The following FBXO2 variants were observed in gnomAD, a reference collection of about 807,000 sequenced individuals.
FBXO2 encodes F-box only protein 2.
FBXO2 carries 32 observed loss-of-function variants against 38.6 expected under a neutral mutation model. The ratio of observed to expected loss-of-function variants is 0.83; its 90% confidence interval spans 0.62 to 1.11. FBXO2 has a LOEUF of 1.11. Among genes scored for constraint, FBXO2 ranks in the 50% most tolerant of loss-of-function variants. FBXO2 has a pLI of 0.00. For synonymous variants in FBXO2, 189 were observed against 182.9 expected (o/e 1.03, Z -0.27); for missense variants, 450 against 418.3 (o/e 1.08, Z -0.66).
rs1358548364 is a variant in FBXO2, at chr1:11,650,791, T to TGGCTGCTCCTCCGGGATTGCCTCCTCG, written c.65_66insCGAGGAGGCAATCCCGGAGGAGCAGCC (p.Ala25_Ser26insIleProGluGluGlnProGluGluAla). 1 of 1,537,592 alleles carries TGGCTGCTCCTCCGGGATTGCCTCCTCG rather than the reference T, an allele frequency of 6.5e-7. No individual in the cohort carries two copies. Among genetic ancestry groups the TGGCTGCTCCTCCGGGATTGCCTCCTCG allele is most frequent in the Non-Finnish European group, 8.7e-7 (1 of 1,147,444 alleles). On this transcript the variant is annotated inframe_insertion, in exon 2 of 6. Transcript: ENST00000354287. ...GCTCCTCCTCAGCACTCGCCTCCTC[T>TGGCTGCTCCTCCGGGATTGCCTCCTCG]GGCTGCTCCTCCGGGCTTGCCTCCT...
At chr1:11,651,530 T>C (rs1361009527) in intron 1 of FBXO2, among the ~76,000 whole-genome samples, 1 of 152,164 alleles carries the variant, frequency 6.6e-6, no homozygotes, top group African/African-American at 2.4e-5. Context: ...GCTGTTCTTA[T>C]TGCATTGATG....
rs771564445 is a variant in FBXO2, at chr1:11,649,074, C to T, written c.756+13G>A. 3 of 1,585,766 alleles carry T rather than the reference C, an allele frequency of 1.9e-6. No homozygotes were observed. Among genetic ancestry groups the T allele is most frequent in the Non-Finnish European group, 2.6e-6 (3 of 1,166,302 alleles). On this transcript the variant is annotated intron_variant, in intron 5 of 5. Coordinates refer to ENST00000354287, the MANE Select transcript of FBXO2 (RefSeq NM_012168.6). Reference sequence around the variant, plus strand: ...CGTGCCCCACCCCTCCGCCCTGGGTCCCCCAGGCTCACCTCCATCCAGCCC... The same window carrying T: ...CGTGCCCCACCCCTCCGCCCTGGGTTCCCCAGGCTCACCTCCATCCAGCCC...
Position 11,649,096 on chromosome 1 carries a change from G to GA in FBXO2, c.746_747insT (p.Trp250LeufsTer68), listed in dbSNP as rs1639470285. On this transcript the variant is annotated frameshift_variant, in exon 5 of 6. Transcript: ENST00000354287. LOFTEE classifies it high-confidence loss of function. ...GGTCCCCCAGGCTCACCTCCATCCA[G>GA]CCCCCGCCGTCACTGTCTTGGGGCA... 6.3e-7 allele frequency: 1 copy of GA among 1,593,600 alleles called. No individual in the cohort carries two copies. The highest frequency in any genetic ancestry group is 1.1e-5 in the South Asian group (1 of 87,964).
At chr1:11,650,407 GC>G in intron 2 of FBXO2, 58 bp downstream of exon 2, 1 of 1,560,370 alleles carries the variant, frequency 6.4e-7, no homozygotes, top group Non-Finnish European at 8.7e-7. Flanking sequence ...GCCAGGCGGC[GC>G]CGTTTCGGCC....
chr1:11,649,390 G>A (rs1251820888), intron 4 of FBXO2, 165 bp from the exon 5 acceptor site: 8 of 645,830 alleles, frequency 1.2e-5, no homozygotes, highest in East Asian at 2.8e-5. Flanking sequence ...ACAGATAAGG[G>A]AAACGAGGCC....
chr1:11,654,099 G>C (rs995307825), intron 1 of FBXO2: 5 of 461,736 alleles, frequency 1.1e-5, no homozygotes, highest in Non-Finnish European at 1.9e-5. Context: ...TGGGACCCAG[G>C]AGTTCTCTCT....
chr1:11,650,726 GCGGCGGC>G lies in FBXO2; in HGVS notation c.124_130del (p.Ala42ProfsTer73). Reference sequence around the variant, plus strand: ...CTCGGGCAGCTCGTCCAGGTACGCGGCGGCGGCCGCCGCCTCCTCCTCCTGCTGGTCC... The same window carrying G: ...CTCGGGCAGCTCGTCCAGGTACGCGGCGCCGCCTCCTCCTCCTGCTGGTCC... On this transcript the variant is annotated frameshift_variant, in exon 2 of 6. Coordinates refer to ENST00000354287, the MANE Select transcript of FBXO2 (RefSeq NM_012168.6). LOFTEE classifies it high-confidence loss of function. 2 of 1,520,158 alleles carry G rather than the reference GCGGCGGC, an allele frequency of 1.3e-6. No homozygotes were observed. Among genetic ancestry groups the G allele is most frequent in the Non-Finnish European group, 1.7e-6 (2 of 1,144,548 alleles). The allele number at this position is 1,520,158 out of a possible 1,614,324, so 94.2% of individuals were successfully genotyped here. A position where few individuals can be genotyped will look rare whatever the true frequency, so the allele number is the denominator to read the frequency against.
At chr1:11,654,121 G>T (rs894982727) in intron 1 of FBXO2, 198 bp downstream of exon 1, 5 of 508,398 alleles carry the variant, frequency 9.8e-6, no homozygotes, top group Non-Finnish European at 1.7e-5. Context: ...CTTGCCAGTC[G>T]CCTCTCAAGG....
intron 2 of FBXO2, among the ~76,000 whole-genome samples, 165 bp from the exon 3 acceptor site, chr1:11,650,239 A>G (rs1024385692): frequency 6.6e-6 from 1 of 152,002 alleles, no homozygotes; most frequent in Non-Finnish European, 1.5e-5. Context: ...GCCTCCCGGG[A>G]GGTATGTCCC....
At chr1:11,653,059 C>T (rs1278908091) in intron 1 of FBXO2, among the ~76,000 whole-genome samples, 2 of 152,208 alleles carry the variant, frequency 1.3e-5, no homozygotes, top group Non-Finnish European at 2.9e-5. Context: ...CAGACCACAT[C>T]GCAGAACGGC....
chr1:11,649,192 G>C lies in FBXO2; in HGVS notation c.651C>G (p.Tyr217Ter), dbSNP rs768192437. 4.2e-6 allele frequency: 6 copies of C among 1,438,082 alleles called. No individual in the cohort carries two copies. Among genetic ancestry groups the C allele is most frequent in the South Asian group, 1.2e-5 (1 of 82,998 alleles). 89.1% of individuals were successfully genotyped at this position (1,438,082 alleles called of 1,614,324 possible). A position where few individuals can be genotyped will look rare whatever the true frequency, so the allele number is the denominator to read the frequency against. Residue 217 changes from tyrosine to a stop codon, truncating the protein, a stop_gained, in exon 5 of 6, where the codon TAC (tyrosine) becomes TAG (stop). Coordinates refer to ENST00000354287, the MANE Select transcript of FBXO2 (RefSeq NM_012168.6). LOFTEE classifies it high-confidence loss of function. ...CGGACAGTAGCTTAACGGTGAGCTC[G>C]TAGAGGCAACCAGCGTCGCTGCGGC... ...YSGRSDAGCLYELTVKLLSEH... is the reference protein window; with the variant it reads ...YSGRSDAGCL
chr1:11,649,181 ACGG>A lies in FBXO2; in HGVS notation c.659_661del (p.Thr220_Val221delinsIle), dbSNP rs1639471842. The A allele has an allele frequency of 1.3e-6, 2 of 1,527,032 alleles. No homozygotes were observed. 94.6% of individuals were successfully genotyped at this position (1,527,032 alleles called of 1,614,324 possible). ...GTTCTCGTGCTCGGACAGTAGCTTA[ACGG>A]TGAGCTCGTAGAGGCAACCAGCGTC... On this transcript the variant is annotated inframe_deletion, in exon 5 of 6. Coordinates refer to ENST00000354287, the MANE Select transcript of FBXO2 (RefSeq NM_012168.6).
chr1:11,650,726 G>A lies in FBXO2; in HGVS notation c.131C>T (p.Ala44Val), dbSNP rs1639505415. Residue 44 changes from alanine (A) to valine (V), a missense_variant, in exon 2 of 6, where the codon GCC (alanine) becomes GTC (valine). Physicochemically the swap from Ala to Val is moderately conservative, Grantham distance 64. Coordinates refer to ENST00000354287, the MANE Select transcript of FBXO2 (RefSeq NM_012168.6). ...DQQEEEAAAAAAYLDELPEPL... is the reference protein window; with the variant it reads ...DQQEEEAAAAVAYLDELPEPL... ...CTCGGGCAGCTCGTCCAGGTACGCG[G>A]CGGCGGCCGCCGCCTCCTCCTCCTG... The A allele has an allele frequency of 6.6e-7, 1 of 1,520,078 alleles. No homozygotes were observed. The highest frequency in any genetic ancestry group is 8.7e-7 in the Non-Finnish European group (1 of 1,144,556). 94.2% of individuals were successfully genotyped at this position (1,520,078 alleles called of 1,614,324 possible).
rs1224069364 is a variant in FBXO2 at position 11,650,735 on chromosome 1, G to A, written c.122C>T (p.Ala41Val). The A allele has an allele frequency of 6.5e-7, 1 of 1,529,226 alleles. No homozygotes were observed. The highest frequency in any genetic ancestry group is 8.7e-7 in the Non-Finnish European group (1 of 1,144,670). The allele number at this position is 1,529,226 out of a possible 1,614,324, so 94.7% of individuals were successfully genotyped here. A position where few individuals can be genotyped will look rare whatever the true frequency, so the allele number is the denominator to read the frequency against. ...RPEDQQEEEA[A>V]AAAAYLDELP... Reference sequence around the variant, plus strand: ...CTCGTCCAGGTACGCGGCGGCGGCCGCCGCCTCCTCCTCCTGCTGGTCCTC... The same window carrying A: ...CTCGTCCAGGTACGCGGCGGCGGCCACCGCCTCCTCCTCCTGCTGGTCCTC... The change falls in exon 2 of 6, where the codon GCG becomes GTG. Residue 41 changes from alanine (A) to valine (V), a missense_variant. Physicochemically the swap from Ala to Val is moderately conservative, Grantham distance 64 (BLOSUM62 0). Coordinates refer to ENST00000354287, the MANE Select transcript of FBXO2 (RefSeq NM_012168.6).
intron 1 of FBXO2, chr1:11,653,545 G>T (rs1639580569): frequency 6.5e-6 from 1 of 152,686 alleles, no homozygotes; most frequent in Admixed American, 6.5e-5. Context: ...GGGGAATGGG[G>T]GGTGAGGGGG....
At chr1:11,653,523 G>C (rs1348532806) in intron 1 of FBXO2, 1 of 152,474 alleles carries the variant, frequency 6.6e-6, no homozygotes, top group Non-Finnish European at 1.5e-5. Context: ...GGAATTTTCA[G>C]GGCTGGAGGC....
intron 1 of FBXO2, among the ~76,000 whole-genome samples, chr1:11,653,740 C>T (rs1171909790): frequency 6.6e-6 from 1 of 152,124 alleles, no homozygotes; most frequent in African/African-American, 2.4e-5. Context: ...TCTTGGGTGC[C>T]AGAGAGGATG....
chr1:11,652,377 C>T (rs1242225198), intron 1 of FBXO2, among the ~76,000 whole-genome samples: 1 of 152,168 alleles, frequency 6.6e-6, no homozygotes, highest in Non-Finnish European at 1.5e-5. Flanking sequence ...TCTCCACCTC[C>T]TTTTCCCATC....
At position 11,650,574 on chromosome 1, in the gene FBXO2, C is replaced by G; in HGVS notation, c.283G>C (p.Glu95Gln). 6.3e-7 allele frequency: 1 copy of G among 1,595,632 alleles called. No homozygotes were observed. The highest frequency in any genetic ancestry group is 8.5e-7 in the Non-Finnish European group (1 of 1,173,316). The change falls in exon 2 of 6, where the codon GAG (glutamate) becomes CAG (glutamine). Residue 95 changes from glutamate (E) to glutamine (Q), a missense_variant. Coordinates refer to ENST00000354287, the MANE Select transcript of FBXO2 (RefSeq NM_012168.6). ...APLWLLKCQQ[E>Q]GLVPEGGVEE... ...ACGCCGCCCTCGGGCACCAGCCCCT[C>G]CTGCTGGCACTTGAGCAGCCACAGC... is the stretch of plus-strand genomic sequence containing the variant.
Sources: allele counts gnomAD v4.1 joint callset (sites outside exome capture counted in the v4.1 genomes callset), GRCh38; gene constraint gnomAD v4.1.1; transcripts MANE v1.5; gene names NCBI Gene and HGNC (gene_info 2026-07-23, HGNC 2026-07-21).